Variants in CLASP2 observed in about 807,000 individuals in gnomAD.
CLASP2 encodes cytoplasmic linker associated protein 2.
In CLASP2, 47 loss-of-function variants were observed where a neutral mutation model predicts 194.4. The ratio of observed to expected loss-of-function variants is 0.24; its 90% CI spans 0.19 to 0.31. The LOEUF is 0.31. Among genes scored for constraint, CLASP2 ranks in the 10% least tolerant of loss-of-function variants. The pLI, the probability that CLASP2 is intolerant of heterozygous loss-of-function variation, is 1.00. For missense variants in CLASP2, 1,445 were observed against 1,823.6 expected (o/e 0.79, Z 3.78); for synonymous variants, 619 against 633.5 (o/e 0.98, Z 0.34).
chr3:33,500,849 G>A (rs1021537641), intron 38 of CLASP2, among the ~76,000 whole-genome samples: 3 of 152,158 alleles, frequency 2.0e-5, no homozygotes, highest in Admixed American at 6.6e-5. Flanking sequence ...CATAAGCCAT[G>A]ATTCAACAAT....
chr3:33,594,265 A>T (rs2069605021), intron 20 of CLASP2, among the ~76,000 whole-genome samples: 1 of 152,206 alleles, frequency 6.6e-6, no homozygotes, highest in Admixed American at 6.5e-5. Flanking sequence ...GTGTCACAAA[A>T]AATAGTCATC....
At chr3:33,689,238 A>G (rs1205537096) in intron 3 of CLASP2, among the ~76,000 whole-genome samples, 1 of 152,062 alleles carries the variant, frequency 6.6e-6, no homozygotes, top group Non-Finnish European at 1.5e-5. Flanking sequence ...CAGGAATGCT[A>G]TTCCATATAA....
chr3:33,534,887 T>C (rs1250776483), intron 34 of CLASP2, among the ~76,000 whole-genome samples: 1 of 152,224 alleles, frequency 6.6e-6, no homozygotes, highest in African/African-American at 2.4e-5. Context: ...AGAATGGGTA[T>C]TTCTTCAAAG....
At chr3:33,713,560 GTT>G (rs1208880061) in intron 1 of CLASP2, among the ~76,000 whole-genome samples, 3 of 152,182 alleles carry the variant, frequency 2.0e-5, no homozygotes, top group Non-Finnish European at 2.9e-5. Context: ...TGACACCAAT[GTT>G]GGGAAGAATC....
chr3:33,539,733 A>G (rs897575827), intron 32 of CLASP2, among the ~76,000 whole-genome samples: 3 of 152,168 alleles, frequency 2.0e-5, no homozygotes, highest in African/African-American at 7.2e-5. Context: ...TTCATACAAT[A>G]GCAGAGTTGA....
intron 9 of CLASP2, among the ~76,000 whole-genome samples, chr3:33,628,448 A>G (rs1373951462): frequency 6.6e-6 from 1 of 152,208 alleles, no homozygotes. Flanking sequence ...GAGGGGGTAC[A>G]TAATTCTTCA....
intron 2 of CLASP2, among the ~76,000 whole-genome samples, chr3:33,695,648 G>C (rs2091815178): frequency 6.6e-6 from 1 of 151,928 alleles, no homozygotes; most frequent in Non-Finnish European, 1.5e-5. Flanking sequence ...ATCCACAAAA[G>C]AAAATCACTG....
chr3:33,648,851 A>T (rs1330437236), intron 7 of CLASP2, among the ~76,000 whole-genome samples: 1 of 152,202 alleles, frequency 6.6e-6, no homozygotes, highest in Non-Finnish European at 1.5e-5. Context: ...CCCATTACCT[A>T]GAACAGTCTA....
At chr3:33,581,355 C>T (rs1339104840) in intron 23 of CLASP2, among the ~76,000 whole-genome samples, 3 of 152,000 alleles carry the variant, frequency 2.0e-5, no homozygotes, top group Non-Finnish European at 4.4e-5. Flanking sequence ...AATGTTAATC[C>T]CTACCATTAA....
chr3:33,587,116 G>A (rs1246965885), intron 21 of CLASP2, among the ~76,000 whole-genome samples: 1 of 151,932 alleles, frequency 6.6e-6, no homozygotes, highest in African/African-American at 2.4e-5. Context: ...GGCGATCTGT[G>A]ATTCTTTTTT....
intron 21 of CLASP2, among the ~76,000 whole-genome samples, chr3:33,587,418 C>CCGGCCGATCTGTGAT (rs1285338836): frequency 4.6e-5 from 7 of 152,172 alleles, no homozygotes; most frequent in Non-Finnish European, 8.8e-5. Flanking sequence ...GCCACCGCAC[C>CCGGCCGATCTGTGAT]CGGCCGATCT....
chr3:33,714,681 T>C (rs1216852521), intron 1 of CLASP2, among the ~76,000 whole-genome samples: 1 of 152,200 alleles, frequency 6.6e-6, no homozygotes, highest in Non-Finnish European at 1.5e-5. Context: ...GCTGCTTCTG[T>C]TATTCCTTTA....
At chr3:33,683,699 T>C (rs1185052682) in intron 6 of CLASP2, 1 of 152,082 alleles carries the variant, frequency 6.6e-6, no homozygotes, top group Non-Finnish European at 1.5e-5. Context: ...CCCAGCACTT[T>C]AGGGAGCTGA....
At chr3:33,521,530 A>G (rs1408088219) in intron 34 of CLASP2, among the ~76,000 whole-genome samples, 1 of 152,214 alleles carries the variant, frequency 6.6e-6, no homozygotes, top group Admixed American at 6.5e-5. Flanking sequence ...ACAAAACTAC[A>G]TTCAGAGAAA....
intron 24 of CLASP2, among the ~76,000 whole-genome samples, chr3:33,574,024 TCA>T (rs1181259943): frequency 6.6e-6 from 1 of 152,174 alleles, no homozygotes; most frequent in African/African-American, 2.4e-5. Context: ...GAAAGCATAT[TCA>T]GATTCCTTTG....
At chr3:33,645,389 G>A (rs544991765) in intron 7 of CLASP2, 4 of 756,386 alleles carry the variant, frequency 5.3e-6, no homozygotes, top group African/African-American at 3.4e-5. Flanking sequence ...CAGTAAATTC[G>A]ATACTAATCA....
intron 6 of CLASP2, among the ~76,000 whole-genome samples, chr3:33,676,479 C>G (rs76135363): frequency 6.7e-6 from 1 of 150,302 alleles, no homozygotes; most frequent in South Asian, 2.2e-4. Flanking sequence ...ATAAACGGTG[C>G]TGGGAAAACT....
At position 33,717,961 on chromosome 3, in the gene CLASP2, C is replaced by T; in HGVS notation, c.42G>A (p.Gln14=). The stretch of plus-strand genomic sequence containing the variant: ...GCAGCCGGCCGCCGACGTCCTTCTG[C>T]TGCACCTGGGCGCAGAAGTACTCCA... ...RSMEYFCAQV[Q]QKDVGGRLQV... Residue 14 remains glutamine (Q), a synonymous_variant, in exon 1 of 39, where the codon CAG becomes CAA. Coordinates refer to ENST00000682230, the MANE Select transcript of CLASP2 (RefSeq NM_001365631.1). 1.9e-6 allele frequency: 3 copies of T among 1,543,584 alleles called. No homozygotes were observed. Among genetic ancestry groups the T allele is most frequent in the Non-Finnish European group, 2.6e-6 (3 of 1,146,278 alleles).
At chr3:33,679,382 A>G (rs1317425069) in intron 6 of CLASP2, among the ~76,000 whole-genome samples, 1 of 152,182 alleles carries the variant, frequency 6.6e-6, no homozygotes, top group Non-Finnish European at 1.5e-5. Flanking sequence ...ATAACTGATA[A>G]GTTGAACTTC....
Sources: allele counts gnomAD v4.1 joint callset (sites outside exome capture counted in the v4.1 genomes callset), GRCh38; gene constraint gnomAD v4.1.1; transcripts MANE v1.5; gene names NCBI Gene and HGNC (gene_info 2026-07-23, HGNC 2026-07-21).